Variants in MEGF8 observed in about 807,000 individuals in gnomAD.
The protein encoded by MEGF8 is multiple EGF like domains 8.
A neutral mutation model predicts 302.9 loss-of-function variants in MEGF8; 156 were observed. The observed-to-expected ratio is 0.52, with a 90% CI of 0.45 to 0.59. The LOEUF (loss-of-function observed/expected upper bound fraction) is 0.59. Among genes scored for constraint, MEGF8 ranks in the 20% least tolerant of loss-of-function variants. MEGF8 has a pLI of 0.00. For missense variants in MEGF8, 3,345 were observed against 3,964.5 expected, an observed-to-expected ratio of 0.84 and a Z score of 4.20; for synonymous variants, 1,621 against 1,660.5, an observed-to-expected ratio of 0.98 and a Z score of 0.58.
rs1318126145 is a variant in MEGF8 at position 42,352,884 on chromosome 19, T to C, written c.3351-44T>C. 1 of 1,416,110 alleles carries C rather than the reference T, an allele frequency of 7.1e-7. No homozygotes were observed. The highest frequency in any genetic ancestry group is 9.7e-7 in the Non-Finnish European group (1 of 1,026,144). 87.7% of individuals were successfully genotyped at this position (1,416,110 alleles called of 1,614,324 possible). A position where few individuals can be genotyped will look rare whatever the true frequency, so the allele number is the denominator to read the frequency against. ...AGATGATGGGGTGCTTTAGGGGCTCTGGGCCTGCCTGGCGCTTTCCCCACC... is the reference window on the plus strand; with the variant it reads ...AGATGATGGGGTGCTTTAGGGGCTCCGGGCCTGCCTGGCGCTTTCCCCACC... On this transcript the variant is annotated intron_variant, in intron 19 of 41. Transcript: ENST00000251268. This position sits in a 1 kb window ranked among gnomAD's most constrained non-coding sequence, Gnocchi z 4.4.
chr19:42,349,460 G>A, intron 13 of MEGF8, 39 bp from the exon 14 acceptor site: 1 of 1,573,136 alleles, frequency 6.4e-7, no homozygotes, highest in Non-Finnish European at 8.7e-7. Flanking sequence ...GAATGGGAAG[G>A]GTTCTGAGGC....
intron 1 of MEGF8, among the ~76,000 whole-genome samples, chr19:42,326,739 CTTTTTT>C (rs34036568): frequency 8.5e-6 from 1 of 118,108 alleles, no homozygotes; most frequent in African/African-American, 3.7e-5. Context: ...ACTACTACTA[CTTTTTT>C]TTTTTTTTTT....
In MEGF8 at chr19:42,351,931, A is replaced by G. The variant is rs968173494; in HGVS notation, c.3101+170A>G. On this transcript the variant is annotated intron_variant, in intron 18 of 41. Coordinates refer to ENST00000251268, the MANE Select transcript of MEGF8 (RefSeq NM_001271938.2). This position sits in a 1 kb window ranked among gnomAD's most constrained non-coding sequence, Gnocchi z 5.6. ...TTTACCCTCCCGCTCTTTTTTCTCC[A>G]TTTTTCCTCCTTTTCCGGCTCTCTG... Among the ~76,000 whole-genome samples the G allele has an allele frequency of 2.0e-5, 3 of 148,276 alleles. No individual in the cohort carries two copies. The highest frequency in any genetic ancestry group is 3.0e-5 in the Non-Finnish European group (2 of 66,816).
chr19:42,329,099 C>T (rs879204687), intron 1 of MEGF8, among the ~76,000 whole-genome samples: 6 of 152,092 alleles, frequency 3.9e-5, no homozygotes, highest in African/African-American at 9.7e-5. Flanking sequence ...TCTATGAAGA[C>T]GTGAGGGTGG....
intron 3 of MEGF8, 138 bp from the exon 4 acceptor site, chr19:42,334,897 C>T: frequency 2.4e-6 from 2 of 829,096 alleles, no homozygotes. Flanking sequence ...CCATCCTCTC[C>T]CTTCCTGTCT....
At chr19:42,337,829 A>T (rs1321497649) in intron 8 of MEGF8, among the ~76,000 whole-genome samples, 1 of 146,624 alleles carries the variant, frequency 6.8e-6, no homozygotes, top group Non-Finnish European at 1.5e-5. Flanking sequence ...TTTGAGAGGG[A>T]GTCTCGCTCC....
chr19:42,327,117 G>C (rs1004883760), intron 1 of MEGF8, among the ~76,000 whole-genome samples: 3 of 152,222 alleles, frequency 2.0e-5, no homozygotes, highest in African/African-American at 7.2e-5. Context: ...TTGTTGGAAT[G>C]AAATGAAAAC....
rs771238352 is a variant in MEGF8, at chr19:42,353,851, C to T, written c.3838C>T (p.Arg1280Cys). ...TNVSSVALGS[R>C]RVGGLLPPGG... ...CGTGTCCTCAGTGGCACTGGGCTCA[C>T]GCCGGGTCGGGGGGCTGCTGCCTCC... Residue 1280 changes from arginine to cysteine, a missense_variant, in exon 22 of 42, where the codon CGC (arginine) becomes TGC (cysteine). Coordinates refer to ENST00000251268, the MANE Select transcript of MEGF8 (RefSeq NM_001271938.2). The surrounding 1 kb of genome is among the most constrained non-coding windows in gnomAD (Gnocchi z 6.1). 8.1e-6 allele frequency: 13 copies of T among 1,607,586 alleles called. No homozygotes were observed. The highest frequency in any genetic ancestry group is 2.5e-6 in the Non-Finnish European group (3 of 1,177,284).
chr19:42,374,461 ACTC>A (rs1307358478), intron 41 of MEGF8, among the ~76,000 whole-genome samples: 1 of 138,748 alleles, frequency 7.2e-6, no homozygotes, highest in Non-Finnish European at 1.5e-5. Context: ...ACAGAGCGAG[ACTC>A]TGTCTCAAAA....
rs756940744 is a variant in MEGF8, at chr19:42,343,550, T to TG, written c.1593dup (p.Tyr532ValfsTer25). ...TTGGTGGCAGCGTCCTGTTGGTGGC[T>TG]GGGGGGTACAGCGGCCGGCCCCGTG... On this transcript the variant is annotated frameshift_variant, in exon 9 of 42. Transcript: ENST00000251268. LOFTEE classifies it high-confidence loss of function. 1.2e-6 allele frequency: 2 copies of TG among 1,613,506 alleles called. No homozygotes were observed. Among genetic ancestry groups the TG allele is most frequent in the South Asian group, 1.1e-5 (1 of 91,038 alleles).
intron 41 of MEGF8, among the ~76,000 whole-genome samples, chr19:42,374,431 A>G (rs2039737036): frequency 2.7e-5 from 4 of 147,792 alleles, no homozygotes; most frequent in African/African-American, 7.6e-5. Flanking sequence ...ATATCACACC[A>G]CTGCACTCCA....
chr19:42,354,625 TC>T lies in MEGF8; in HGVS notation c.4051del (p.Leu1351TrpfsTer13). On this transcript the variant is annotated frameshift_variant, in exon 23 of 42. Transcript: ENST00000251268. LOFTEE classifies it high-confidence loss of function. This position sits in a 1 kb window ranked among gnomAD's most constrained non-coding sequence, Gnocchi z 4.3. ...YVLAFDGFPR[F>X]LDTGVVQSDR... ...CTGGCGTTTGATGGATTCCCACGCT[TC>T]CTGGACACTGGTGTTGTCCAGTCGG... 6.2e-7 allele frequency: 1 copy of T among 1,613,118 alleles called. No homozygotes were observed.
Position 42,362,606 on chromosome 19 carries a change from T to TG in MEGF8, c.6058+12dup, listed in dbSNP as rs746064941. On this transcript the variant is annotated intron_variant, in intron 34 of 41. Transcript: ENST00000251268. ...GCAGTTCAAGAGGACAGGTGAGCAG[T>TG]GGGCCTAGTTCCTGAGAGGGGAGTC... The TG allele has an allele frequency of 6.2e-7, 1 of 1,606,940 alleles. No homozygotes were observed. The highest frequency in any genetic ancestry group is 1.7e-5 in the Admixed American group (1 of 59,552).
Position 42,356,285 on chromosome 19 carries a change from C to T in MEGF8, c.4504-50C>T. The T allele has an allele frequency of 6.4e-7, 1 of 1,571,646 alleles. No individual in the cohort carries two copies. The highest frequency in any genetic ancestry group is 8.6e-7 in the Non-Finnish European group (1 of 1,158,784). ...GGACCACCCCTACACCCAGGCCTGG[C>T]ACTTTGTCCTGACCCTAGCCTGATC... On this transcript the variant is annotated intron_variant, in intron 25 of 41. Transcript: ENST00000251268. The surrounding 1 kb of genome is among the most constrained non-coding windows in gnomAD (Gnocchi z 5.2).
In MEGF8 at chr19:42,351,809, T is replaced by G; in HGVS notation, c.3101+48T>G. On this transcript the variant is annotated intron_variant, in intron 18 of 41. Transcript: ENST00000251268. The surrounding 1 kb of genome is among the most constrained non-coding windows in gnomAD (Gnocchi z 5.6). ...GCAGGGTGCCCGGCTGTGTCCTTCC[T>G]CCATGACCGGTCATTCTAATGGCCT... 2 of 1,468,936 alleles carry G rather than the reference T, an allele frequency of 1.4e-6. No homozygotes were observed. Among genetic ancestry groups the G allele is most frequent in the South Asian group, 2.4e-5 (2 of 82,154 alleles). The allele number at this position is 1,468,936 out of a possible 1,614,324, so 91.0% of individuals were successfully genotyped here.
Position 42,335,212 on chromosome 19 carries a change from G to A in MEGF8, c.736G>A (p.Gly246Arg), listed in dbSNP as rs367866745. The A allele has an allele frequency of 3.7e-6, 6 of 1,613,892 alleles. No homozygotes were observed. The highest frequency in any genetic ancestry group is 5.1e-6 in the Non-Finnish European group (6 of 1,179,894). ...CCCACCAGGGCTGCTGGCAGTTTTC[G>A]GAGGTGAGCAGATGGGGCGAGTATC... The part of the protein sequence containing the change: ...LSPPGLLAVF[G>R]GQDLNNALGD... Residue 246 changes from glycine to arginine, a missense_variant, in exon 4 of 42, where the codon GGA becomes AGA. Physicochemically the swap from Gly to Arg is moderately radical, Grantham distance 125. Coordinates refer to ENST00000251268, the MANE Select transcript of MEGF8 (RefSeq NM_001271938.2).
At chr19:42,327,740 T>A (rs749072726) in intron 1 of MEGF8, among the ~76,000 whole-genome samples, 5 of 152,214 alleles carry the variant, frequency 3.3e-5, no homozygotes, top group African/African-American at 1.2e-4. Context: ...AGAATAGCTG[T>A]GCAAAGGCGG....
intron 5 of MEGF8, among the ~76,000 whole-genome samples, chr19:42,335,729 C>A (rs965617173): frequency 8.5e-5 from 13 of 152,254 alleles, no homozygotes; most frequent in African/African-American, 3.1e-4. Flanking sequence ...TGTCTCCTTG[C>A]CTTTTCTCTC....
chr19:42,375,112 C>T lies in MEGF8; in HGVS notation c.7270-395C>T, dbSNP rs1263202806. On this transcript the variant is annotated intron_variant, in intron 41 of 41. Coordinates refer to ENST00000251268, the MANE Select transcript of MEGF8 (RefSeq NM_001271938.2). The surrounding 1 kb of genome is among the most constrained non-coding windows in gnomAD (Gnocchi z 7.1). ...GTCCTGTGAGCGAGCCGTGGTTACT[C>T]CCTGTGTGCAGAGCTCATGGGTTAA... Among the ~76,000 whole-genome samples, 2 of 152,188 alleles carry T rather than the reference C, an allele frequency of 1.3e-5. No homozygotes were observed. Among genetic ancestry groups the T allele is most frequent in the Admixed American group, 6.5e-5 (1 of 15,278 alleles).
Sources: gnomAD v4.1 joint callset for allele counts (sites outside exome capture counted in the v4.1 genomes callset) on GRCh38, gnomAD v4.1.1 for gene constraint, Gnocchi (gnomAD v3.1) non-coding constraint, MANE v1.5 for transcripts, NCBI Gene and HGNC (gene_info 2026-07-23, HGNC 2026-07-21) for gene names.